The following TNR variants were observed in gnomAD, a reference collection of about 807,000 sequenced individuals.
TNR encodes the protein tenascin R, also known as tenascin-R.
A neutral mutation model predicts 150.4 loss-of-function variants in TNR; 45 were observed. The ratio of observed to expected loss-of-function variants is 0.30; its 90% CI spans 0.24 to 0.38. The LOEUF (loss-of-function observed/expected upper bound fraction) is 0.38. TNR is among the 10% of genes least tolerant of loss of function. The probability of loss-of-function intolerance (pLI) is 1.00; values close to 1 mark genes in which losing one functional copy is unlikely to be tolerated. For synonymous variants in TNR, 687 were observed against 678.4 expected, an observed-to-expected ratio of 1.01 and a Z score of -0.20; for missense variants, 1,544 against 1,759.1, an observed-to-expected ratio of 0.88 and a Z score of 2.19.
chr1:175,663,897 C>T (rs1025462434), intron 1 of TNR, among the ~76,000 whole-genome samples: 1 of 152,216 alleles, frequency 6.6e-6, no homozygotes, highest in African/African-American at 2.4e-5. Flanking sequence ...CATGTGAACT[C>T]AGAGGAGATA....
At chr1:175,664,055 G>A (rs1665460383) in intron 1 of TNR, among the ~76,000 whole-genome samples, 1 of 152,228 alleles carries the variant, frequency 6.6e-6, no homozygotes, top group Non-Finnish European at 1.5e-5. Flanking sequence ...ACTGCAGGGA[G>A]GCCAGAGACC....
At chr1:175,713,415 G>T (rs1037059885) in intron 1 of TNR, among the ~76,000 whole-genome samples, 3 of 152,008 alleles carry the variant, frequency 2.0e-5, no homozygotes, top group Admixed American at 6.6e-5. Flanking sequence ...GAACATTGTG[G>T]GTTGAATAAG....
At chr1:175,598,293 T>A (rs1663087824) in intron 1 of TNR, among the ~76,000 whole-genome samples, 1 of 152,182 alleles carries the variant, frequency 6.6e-6, no homozygotes, top group Non-Finnish European at 1.5e-5. Context: ...TCAGTTAAGT[T>A]TAACGATTAT....
At chr1:175,723,886 A>G (rs1667409321) in intron 1 of TNR, among the ~76,000 whole-genome samples, 1 of 152,128 alleles carries the variant, frequency 6.6e-6, no homozygotes, top group Non-Finnish European at 1.5e-5. Context: ...ATAAATAAAT[A>G]AATTTATTTT....
chr1:175,552,282 T>C (rs1476537734), intron 1 of TNR, among the ~76,000 whole-genome samples: 1 of 152,178 alleles, frequency 6.6e-6, no homozygotes, highest in East Asian at 1.9e-4. Flanking sequence ...TCTGATAACT[T>C]TAACCTGACT....
At chr1:175,730,508 T>C (rs1448557156) in intron 1 of TNR, among the ~76,000 whole-genome samples, 1 of 152,224 alleles carries the variant, frequency 6.6e-6, no homozygotes, top group Non-Finnish European at 1.5e-5. Flanking sequence ...ATGAAATGAC[T>C]GGCAGAGAGT....
chr1:175,468,034 A>G (rs1438647021), intron 2 of TNR, among the ~76,000 whole-genome samples: 2 of 152,238 alleles, frequency 1.3e-5, no homozygotes, highest in Non-Finnish European at 2.9e-5. Flanking sequence ...GCTTATGCTC[A>G]GCTCCACGCC....
chr1:175,736,001 A>G (rs1440389350), intron 1 of TNR, among the ~76,000 whole-genome samples: 1 of 152,222 alleles, frequency 6.6e-6, no homozygotes, highest in East Asian at 1.9e-4. Flanking sequence ...GGTGATGTAA[A>G]ACAAGGGCCA....
At chr1:175,590,043 C>A (rs1662736676) in intron 1 of TNR, among the ~76,000 whole-genome samples, 1 of 152,088 alleles carries the variant, frequency 6.6e-6, no homozygotes, top group Non-Finnish European at 1.5e-5. Context: ...TTTCCTTTTG[C>A]CTCAGACCCT....
chr1:175,641,465 A>T (rs758194637), intron 1 of TNR, among the ~76,000 whole-genome samples: 4 of 152,222 alleles, frequency 2.6e-5, no homozygotes, highest in Admixed American at 6.5e-5. Context: ...TAGGGAGGAC[A>T]TAGTAATGTA....
intron 1 of TNR, among the ~76,000 whole-genome samples, chr1:175,629,931 T>A (rs2101872274): frequency 6.6e-6 from 1 of 152,254 alleles, no homozygotes; most frequent in South Asian, 2.1e-4. Context: ...GGCTCTTCAT[T>A]GTACAAATAA....
chr1:175,569,248 G>A (rs922168591), intron 1 of TNR, among the ~76,000 whole-genome samples: 9 of 152,142 alleles, frequency 5.9e-5, no homozygotes, highest in Non-Finnish European at 1.0e-4. Flanking sequence ...AAAGACATCT[G>A]CAGACAGGTC....
chr1:175,611,185 G>A (rs1663586837), intron 1 of TNR, among the ~76,000 whole-genome samples: 1 of 152,106 alleles, frequency 6.6e-6, no homozygotes, highest in Admixed American at 6.5e-5. Flanking sequence ...AAGCCATAAA[G>A]CTTTTGATCA....
Position 175,413,633 on chromosome 1 carries a change from G to C in TNR, c.-63-6856C>G, listed in dbSNP as rs116626992. On this transcript the variant is annotated intron_variant, in intron 2 of 22. Transcript: ENST00000367674. ...GAGTCAAAGAGACTAGAATGAGTAA[G>C]AGTCCAGGACTAGAACCAAAATAGA... Among the ~76,000 whole-genome samples, 940 of 152,008 alleles carry C rather than the reference G, an allele frequency of 6.2e-3. 7 individuals are homozygous for C. Among genetic ancestry groups the C allele is most frequent in the African/African-American group, 0.021 (883 of 41,422 alleles).
At chr1:175,381,209 C>T (rs993168361) in intron 8 of TNR, among the ~76,000 whole-genome samples, 7 of 152,144 alleles carry the variant, frequency 4.6e-5, no homozygotes, top group African/African-American at 1.7e-4. Flanking sequence ...TGCATTGTTG[C>T]CCCTAAATTT....
intron 2 of TNR, among the ~76,000 whole-genome samples, chr1:175,510,497 A>G (rs1659125782): frequency 1.3e-5 from 2 of 152,316 alleles, no homozygotes; most frequent in South Asian, 4.1e-4. Context: ...AGTCAGCACC[A>G]TCATTATTGT....
At chr1:175,727,647 T>C (rs1401545803) in intron 1 of TNR, among the ~76,000 whole-genome samples, 2 of 152,204 alleles carry the variant, frequency 1.3e-5, no homozygotes, top group Non-Finnish European at 2.9e-5. Flanking sequence ...CAAGTGGTGA[T>C]AATTGCAGGA....
chr1:175,585,642 T>C (rs1188770768), intron 1 of TNR, among the ~76,000 whole-genome samples: 1 of 152,216 alleles, frequency 6.6e-6, no homozygotes, highest in Non-Finnish European at 1.5e-5. Flanking sequence ...CTTAATAGTA[T>C]AATAGCATAA....
At chr1:175,541,141 C>A (rs1398233732) in intron 1 of TNR, among the ~76,000 whole-genome samples, 1 of 152,128 alleles carries the variant, frequency 6.6e-6, no homozygotes, top group African/African-American at 2.4e-5. Flanking sequence ...CCTGACATTC[C>A]AGGGATGGGT....
Sources: gnomAD v4.1 joint callset for allele counts (sites outside exome capture counted in the v4.1 genomes callset) on GRCh38, gnomAD v4.1.1 for gene constraint, MANE v1.5 for transcripts, NCBI Gene and HGNC (gene_info 2026-07-23, HGNC 2026-07-21) for gene names.